UBASH3A: variants seen among roughly 807,000 people sequenced by gnomAD.
UBASH3A encodes the protein ubiquitin-associated and SH3 domain-containing protein A.
UBASH3A carries 63 observed loss-of-function variants against 73.5 expected under a neutral mutation model. That is an observed-to-expected ratio of 0.86 (90% CI 0.70 to 1.06). The LOEUF (loss-of-function observed/expected upper bound fraction) is 1.06, where lower values mean the gene tolerates loss of function less well. UBASH3A is among the 50% of genes least tolerant of loss of function. The probability of loss-of-function intolerance (pLI) is 0.00; values close to 1 mark genes in which losing one functional copy is unlikely to be tolerated. For synonymous variants in UBASH3A, 363 were observed against 351.1 expected, an observed-to-expected ratio of 1.03 and a Z score of -0.38; for missense variants, 860 against 859.0, an observed-to-expected ratio of 1.00 and a Z score of -0.02.
At chr21:42,442,699 G>C in intron 12 of UBASH3A, 103 bp downstream of exon 12, 1 of 1,298,002 alleles carries the variant, frequency 7.7e-7, no homozygotes, top group Middle Eastern at 2.1e-4. Context: ...TATTCAAGAG[G>C]GACCACTGCA....
intron 12 of UBASH3A, chr21:42,443,005 T>C (rs1247684122): frequency 9.7e-6 from 7 of 721,954 alleles, no homozygotes; most frequent in Non-Finnish European, 1.4e-5. Context: ...AAGACCTCAT[T>C]GAGAAGAAGG....
At chr21:42,418,297 G>C (rs564870353) in intron 6 of UBASH3A, 104 bp from the exon 7 acceptor site, 1 of 955,234 alleles carries the variant, frequency 1.0e-6, no homozygotes, top group African/African-American at 1.6e-5. Context: ...GAACACATTG[G>C]AGGGGCAGAA....
At chr21:42,406,207 C>T in intron 1 of UBASH3A, 101 bp from the exon 2 acceptor site, 6 of 937,542 alleles carry the variant, frequency 6.4e-6, no homozygotes, top group South Asian at 1.3e-5. Context: ...CTTCAGAGCA[C>T]CCCCCAAAGA....
rs912860310 is a variant in UBASH3A, at chr21:42,413,058, C to T, written c.389C>T (p.Ala130Val). The T allele has an allele frequency of 1.1e-5, 18 of 1,614,120 alleles. No homozygotes were observed. The highest frequency in any genetic ancestry group is 1.7e-5 in the Admixed American group (1 of 60,008). The change falls in exon 4 of 15, where the codon GCG becomes GTG. Residue 130 changes from alanine (A) to valine (V), a missense_variant. Ala to Val is a moderately conservative substitution (Grantham distance 64, BLOSUM62 0). Transcript: ENST00000319294. This position sits in a 1 kb window ranked among gnomAD's most constrained non-coding sequence, Gnocchi z 4.5. The part of the protein sequence containing the change: ...EDQKVECLYE[A>V]LKRAGDRLLG... ...CAGAAGGTGGAATGCCTGTACGAGG[C>T]GCTGAAGAGAGCTGGAGACAGGCTC...
Position 42,418,407 on chromosome 21 carries a change from A to C in UBASH3A, c.844A>C (p.Arg282=). The C allele has an allele frequency of 6.2e-7, 1 of 1,611,954 alleles. No individual in the cohort carries two copies. The highest frequency in any genetic ancestry group is 1.7e-5 in the Admixed American group (1 of 59,984). The change falls in exon 7 of 15, where the codon AGA becomes CGA. Residue 282 remains arginine, a synonymous_variant. Transcript: ENST00000319294. ...DMRFVHYQTL[R]ALFQYKPQNV... ...CCCTTTGCCTCTTTTCTAGACCCTG[A>C]GAGCCCTATTCCAGTACAAACCCCA...
At chr21:42,434,525 A>G (rs1460241659) in intron 9 of UBASH3A, among the ~76,000 whole-genome samples, 5 of 152,228 alleles carry the variant, frequency 3.3e-5, no homozygotes, top group Admixed American at 2.0e-4. Flanking sequence ...ACACTTTATC[A>G]GGTTCTTCAT....
chr21:42,429,743 C>A (rs998727151), intron 8 of UBASH3A, among the ~76,000 whole-genome samples: 13 of 152,144 alleles, frequency 8.5e-5, no homozygotes, highest in African/African-American at 3.1e-4. Flanking sequence ...GACAAACCTT[C>A]CCCTGAAGCT....
At chr21:42,433,875 G>T (rs2053580719) in intron 9 of UBASH3A, among the ~76,000 whole-genome samples, 1 of 152,132 alleles carries the variant, frequency 6.6e-6, no homozygotes, top group Admixed American at 6.5e-5. Flanking sequence ...GGATGAAGGG[G>T]CCTGGCATAT....
At position 42,404,028 on chromosome 21, in the gene UBASH3A, T is replaced by A. The variant is rs1264678546; in HGVS notation, c.83T>A (p.Leu28His). Residue 28 changes from leucine to histidine, a missense_variant, in exon 1 of 15, where the codon CTC (leucine) becomes CAC (histidine). Physicochemically the swap from Leu to His is moderately conservative, Grantham distance 99. Transcript: ENST00000319294. The part of the protein sequence containing the change: ...SRSSPSLLEP[L>H]LAMGFPVHTA... ...AGCAGCCCCTCGCTCCTGGAGCCCCTCCTGGCCATGGGCTTCCCGGTGCAC... is the reference window on the plus strand; with the variant it reads ...AGCAGCCCCTCGCTCCTGGAGCCCCACCTGGCCATGGGCTTCCCGGTGCAC... The A allele has an allele frequency of 1.3e-6, 2 of 1,525,542 alleles. No homozygotes were observed. The highest frequency in any genetic ancestry group is 1.2e-5 in the South Asian group (1 of 80,974). 94.5% of individuals were successfully genotyped at this position (1,525,542 alleles called of 1,614,324 possible).
intron 11 of UBASH3A, among the ~76,000 whole-genome samples, chr21:42,438,212 G>A (rs1202323182): frequency 2.0e-5 from 3 of 152,300 alleles, no homozygotes; most frequent in East Asian, 1.9e-4. Flanking sequence ...GGTGACATGC[G>A]AGAGAGCATG....
intron 7 of UBASH3A, among the ~76,000 whole-genome samples, chr21:42,422,430 T>C (rs2053353115): frequency 6.6e-6 from 1 of 152,204 alleles, no homozygotes; most frequent in African/African-American, 2.4e-5. Flanking sequence ...ACCCCCTGGA[T>C]AGGCACTTTT....
chr21:42,409,328 G>A lies in UBASH3A; in HGVS notation c.168-94G>A, dbSNP rs1308535298. On this transcript the variant is annotated intron_variant, in intron 2 of 14. Transcript: ENST00000319294. ...TGTCTTCAGTGTGCCCTATAATTCT[G>A]CATTGCTGTCATTGTCATTCTGTTG... The A allele has an allele frequency of 5.5e-6, 7 of 1,281,354 alleles. No homozygotes were observed. In the African/African-American group the frequency reaches 8.9e-5, roughly 16 times the overall value. 79.4% of individuals were successfully genotyped at this position (1,281,354 alleles called of 1,614,324 possible).
intron 1 of UBASH3A, among the ~76,000 whole-genome samples, chr21:42,405,248 C>T (rs11203202): frequency 5.9e-5 from 9 of 151,944 alleles, no homozygotes; most frequent in East Asian, 3.9e-4. Context: ...GGGCGGCCAC[C>T]GGGCACCGTC....
At chr21:42,430,161 C>T (rs2053504023) in intron 8 of UBASH3A, among the ~76,000 whole-genome samples, 1 of 152,150 alleles carries the variant, frequency 6.6e-6, no homozygotes, top group Non-Finnish European at 1.5e-5. Context: ...TTTCCAATCA[C>T]TTCCCTAGGT....
intron 2 of UBASH3A, among the ~76,000 whole-genome samples, chr21:42,407,863 C>T (rs1264049306): frequency 1.3e-5 from 2 of 152,168 alleles, no homozygotes; most frequent in South Asian, 2.1e-4. Flanking sequence ...TTCATCAATG[C>T]GGGAATGAAC....
intron 2 of UBASH3A, among the ~76,000 whole-genome samples, chr21:42,408,094 C>G (rs941768073): frequency 6.6e-6 from 1 of 152,198 alleles, no homozygotes; most frequent in African/African-American, 2.4e-5. Context: ...GAAGGCAAAG[C>G]AGCTTCACCC....
At chr21:42,427,548 A>G (rs1247218100) in intron 8 of UBASH3A, among the ~76,000 whole-genome samples, 2 of 152,172 alleles carry the variant, frequency 1.3e-5, no homozygotes, top group African/African-American at 4.8e-5. Flanking sequence ...CCCAATCGAC[A>G]CAGGAGGCGC....
At chr21:42,420,843 TC>T (rs1367038638) in intron 7 of UBASH3A, among the ~76,000 whole-genome samples, 1 of 152,218 alleles carries the variant, frequency 6.6e-6, no homozygotes, top group African/African-American at 2.4e-5. Flanking sequence ...TAATTTAAGC[TC>T]AACTGATTAG....
At chr21:42,437,356 GTGT>G (rs1334235097) in intron 10 of UBASH3A, 129 bp from the exon 11 acceptor site, 4 of 712,590 alleles carry the variant, frequency 5.6e-6, no homozygotes, top group Non-Finnish European at 9.9e-6. Flanking sequence ...GCTGTGCAGG[GTGT>G]GTCACACCAG....
Sources: gnomAD v4.1 joint callset for allele counts (sites outside exome capture counted in the v4.1 genomes callset) on GRCh38, gnomAD v4.1.1 for gene constraint, Gnocchi (gnomAD v3.1) non-coding constraint, MANE v1.5 for transcripts, NCBI Gene and HGNC (gene_info 2026-07-23, HGNC 2026-07-21) for gene names.